The following C16orf89 variants were observed in gnomAD, a reference collection of about 807,000 sequenced individuals.
The protein encoded by C16orf89 is chromosome 16 open reading frame 89, also known as UPF0764 protein C16orf89.
A neutral mutation model predicts 41.5 loss-of-function variants in C16orf89; 57 were observed. The ratio of observed to expected loss-of-function variants is 1.38; its 90% CI spans 1.11 to 1.71. C16orf89 has a LOEUF of 1.71. Among genes scored for constraint, C16orf89 ranks in the 40% most tolerant of loss-of-function variants. The pLI, the probability that C16orf89 is intolerant of heterozygous loss-of-function variation, is 0.00. For missense variants in C16orf89, 575 were observed against 445.9 expected, an observed-to-expected ratio of 1.29 and a Z score of -2.61; for synonymous variants, 223 against 190.6, an observed-to-expected ratio of 1.17 and a Z score of -1.40.
rs1327563415 is a variant in C16orf89 at position 5,052,991 on chromosome 16, G to A, written c.868+2255C>T. Reference sequence around the variant, plus strand: ...ATTCATAGCAACATCGATGAACTTGGAGGACATTATACTAATTGAAGTAAG... The same window carrying A: ...ATTCATAGCAACATCGATGAACTTGAAGGACATTATACTAATTGAAGTAAG... On this transcript the variant is annotated intron_variant, in intron 6 of 7. Coordinates refer to ENST00000472572, the MANE Select transcript of C16orf89 (RefSeq NM_001098514.3). 2.0e-5 allele frequency among the ~76,000 whole-genome samples: 3 copies of A among 152,276 alleles called. No homozygotes were observed. In the East Asian group the frequency reaches 5.8e-4, roughly 29 times the overall value.
At chr16:5,059,885 G>C (rs1200974744) in intron 3 of C16orf89, among the ~76,000 whole-genome samples, 1 of 151,506 alleles carries the variant, frequency 6.6e-6, no homozygotes, top group Non-Finnish European at 1.5e-5. Flanking sequence ...TGGAGGATGG[G>C]CAGACTTCCT....
At chr16:5,053,143 G>A (rs1353857965) in intron 6 of C16orf89, among the ~76,000 whole-genome samples, 1 of 152,142 alleles carries the variant, frequency 6.6e-6, no homozygotes, top group African/African-American at 2.4e-5. Flanking sequence ...GCCGAGGTGG[G>A]TGGATCACTT....
chr16:5,057,192 G>C (rs1956525999), intron 4 of C16orf89, among the ~76,000 whole-genome samples: 3 of 149,278 alleles, frequency 2.0e-5, no homozygotes, highest in East Asian at 4.0e-4. Context: ...AGCTGAGATC[G>C]TGCCACTGCA....
At chr16:5,042,962 C>T (rs185624343), downstream of C16orf89, 2 of 152,336 alleles carry the variant, frequency 1.3e-5, no homozygotes, top group African/African-American at 4.8e-5. The surrounding 1 kb of genome is among the most constrained non-coding windows in gnomAD (Gnocchi z 4.2). Context: ...TCACTTGAGG[C>T]AGCAGGTAAC....
intron 7 of C16orf89, among the ~76,000 whole-genome samples, chr16:5,046,202 G>C (rs188476004): frequency 1.6e-3 from 240 of 152,312 alleles, no homozygotes; most frequent in African/African-American, 5.6e-3. Context: ...GTAGGTGGAT[G>C]ATGAGGCCAC....
intron 5 of C16orf89, chr16:5,055,737 A>G: frequency 6.5e-7 from 1 of 1,535,356 alleles, no homozygotes; most frequent in Non-Finnish European, 8.7e-7. Context: ...TGGGGGCAGG[A>G]AACTGTCACA....
chr16:5,049,118 G>T (rs1281492326), intron 6 of C16orf89, among the ~76,000 whole-genome samples: 3 of 151,548 alleles, frequency 2.0e-5, no homozygotes. Flanking sequence ...AAGAGACAAA[G>T]AAGGTCATTA....
chr16:5,064,526 G>A (rs190025735), intron 1 of C16orf89, among the ~76,000 whole-genome samples: 32 of 152,362 alleles, frequency 2.1e-4, no homozygotes, highest in African/African-American at 5.3e-4. Context: ...AAAACTCCAC[G>A]AGAGCAGTTA....
intron 4 of C16orf89, among the ~76,000 whole-genome samples, chr16:5,057,822 C>G (rs554069474): frequency 6.6e-6 from 1 of 151,940 alleles, no homozygotes; most frequent in Non-Finnish European, 1.5e-5. Flanking sequence ...AGCCACCGTG[C>G]CCGGCCTCAT....
Position 5,045,886 on chromosome 16 carries a change from C to G in C16orf89, c.956-1408G>C, listed in dbSNP as rs149954819. On this transcript the variant is annotated intron_variant, in intron 7 of 7. Transcript: ENST00000472572. ...CACCCCTCCTGGGCAGTTTTCTAGG[C>G]TGCTGGTCAACCTGGAGGTGTTCCA... Among the ~76,000 whole-genome samples the G allele has an allele frequency of 4.6e-5, 7 of 152,296 alleles. No homozygotes were observed. The East Asian group carries it at 1.4e-3, about 29-fold the overall frequency.
chr16:5,063,004 A>G (rs540509536), intron 1 of C16orf89, among the ~76,000 whole-genome samples: 2 of 152,130 alleles, frequency 1.3e-5, no homozygotes, highest in African/African-American at 2.4e-5. Context: ...CAGTAAGACA[A>G]TTTCCCAGCA....
At position 5,055,364 on chromosome 16, in the gene C16orf89, C is replaced by T. The variant is rs741167; in HGVS notation, c.764-14G>A. 0.16 allele frequency: 258,853 copies of T among 1,586,692 alleles called. 22,296 individuals carry two copies. Among genetic ancestry groups the T allele is most frequent in the East Asian group, 0.32 (14,067 of 43,652 alleles). Reference sequence around the variant, plus strand: ...CACAGAACATGACTGGAAGTAAAGACGGGGGCCCTCTGCAGGCCTGCCCCC... The same window carrying T: ...CACAGAACATGACTGGAAGTAAAGATGGGGGCCCTCTGCAGGCCTGCCCCC... On this transcript the variant is annotated splice_polypyrimidine_tract_variant and intron_variant, in intron 5 of 7. Coordinates refer to ENST00000472572, the MANE Select transcript of C16orf89 (RefSeq NM_001098514.3).
At chr16:5,062,764 G>C (rs1192967556) in intron 1 of C16orf89, among the ~76,000 whole-genome samples, 190 bp from the exon 2 acceptor site, 1 of 152,188 alleles carries the variant, frequency 6.6e-6, no homozygotes, top group Non-Finnish European at 1.5e-5. Flanking sequence ...TCTGGGCAAT[G>C]AGAATGGGTG....
rs528802235 is a variant in C16orf89, at chr16:5,060,364, A to G, written c.431T>C (p.Val144Ala). ...HAWIHTDASLVYPTFGPQDSF... is the reference protein window; with the variant it reads ...HAWIHTDASLAYPTFGPQDSF... ...GTCCTGGGGCCCGAACGTGGGGTAC[A>G]CCAAGGAGGCATCAGTGTGGATCCA... Residue 144 changes from valine (V) to alanine (A), a missense_variant, in exon 3 of 8, where the codon GTG (valine) becomes GCG (alanine). Coordinates refer to ENST00000472572, the MANE Select transcript of C16orf89 (RefSeq NM_001098514.3). 1.3e-5 allele frequency: 21 copies of G among 1,613,672 alleles called. No individual in the cohort carries two copies. Among genetic ancestry groups the G allele is most frequent in the Non-Finnish European group, 1.6e-5 (19 of 1,179,860 alleles).
At chr16:5,047,513 GC>G (rs1956320717) in intron 7 of C16orf89, among the ~76,000 whole-genome samples, 1 of 151,224 alleles carries the variant, frequency 6.6e-6, no homozygotes, top group Admixed American at 6.6e-5. Flanking sequence ...TGTCACCTGG[GC>G]TGGAGTGCAG....
In C16orf89 at chr16:5,058,719, C is replaced by T. The variant is rs759204; in HGVS notation, c.510-109G>A. ...GAACTCCCAGTAGATTCCAGACACC[C>T]AGCTGGGCATGGGGGTTGACAGAGA... On this transcript the variant is annotated intron_variant, in intron 3 of 7. Coordinates refer to ENST00000472572, the MANE Select transcript of C16orf89 (RefSeq NM_001098514.3). 3.8e-3 allele frequency: 3,243 copies of T among 846,776 alleles called. 74 individuals carry two copies. Among genetic ancestry groups the T allele is most frequent in the African/African-American group, 0.031 (1,799 of 58,226 alleles). 52.5% of individuals were successfully genotyped at this position (846,776 alleles called of 1,614,324 possible).
intron 2 of C16orf89, among the ~76,000 whole-genome samples, chr16:5,062,171 G>A (rs571174990): frequency 9.9e-4 from 151 of 152,276 alleles, no homozygotes; most frequent in Admixed American, 2.9e-3. Flanking sequence ...TTGTGCGTGC[G>A]CTGAATGCTT....
rs1458175855 is a variant in C16orf89, at chr16:5,065,828, G to A, written c.81C>T (p.Asp27=). The A allele has an allele frequency of 2.5e-6, 4 of 1,614,224 alleles. No individual in the cohort carries two copies. In the Admixed American group the frequency reaches 5.0e-5, roughly 20 times the overall value. Residue 27 remains aspartate (D), a synonymous_variant, in exon 1 of 8, where the codon GAC becomes GAT. Coordinates refer to ENST00000472572, the MANE Select transcript of C16orf89 (RefSeq NM_001098514.3). ...CAATGGTGGCTTTACTTTCAGCAGT[G>A]TCCAGCCCAGGCAGTGAGGAGGACC... ...PLWSSSLPGL[D]TAESKATIAD...
Position 5,060,312 on chromosome 16 carries a change from C to T in C16orf89, c.483G>A (p.Val161=), listed in dbSNP as rs933931339. The change falls in exon 3 of 8, where the codon GTG becomes GTA. Residue 161 remains valine (V), a synonymous_variant. Coordinates refer to ENST00000472572, the MANE Select transcript of C16orf89 (RefSeq NM_001098514.3). ...CGGTTCCCAGCAGCTGCACCAGGCACACGTCACTTCTCTCCTCTGAGAATG... is the reference window on the plus strand; with the variant it reads ...CGGTTCCCAGCAGCTGCACCAGGCATACGTCACTTCTCTCCTCTGAGAATG... ...QDSFSEERSD[V]CLVQLLGTGT... 6.2e-7 allele frequency: 1 copy of T among 1,611,876 alleles called. No homozygotes were observed. Among genetic ancestry groups the T allele is most frequent in the South Asian group, 1.1e-5 (1 of 90,820 alleles).
Sources: allele counts gnomAD v4.1 joint callset (sites outside exome capture counted in the v4.1 genomes callset), GRCh38; gene constraint gnomAD v4.1.1; non-coding constraint Gnocchi (gnomAD v3.1); transcripts MANE v1.5; gene names NCBI Gene and HGNC (gene_info 2026-07-23, HGNC 2026-07-21).